The following NLGN1 variants were observed in gnomAD, a reference collection of about 807,000 sequenced individuals.
NLGN1 encodes neuroligin 1, also known as neuroligin-1.
NLGN1 carries 12 observed loss-of-function variants against 65.5 expected under a neutral mutation model. The ratio of observed to expected loss-of-function variants is 0.18; its 90% CI spans 0.12 to 0.30. NLGN1 has a LOEUF of 0.30. Ranked by LOEUF, NLGN1 falls within the 10% of genes least tolerant of loss-of-function variation. The probability of loss-of-function intolerance (pLI) is 1.00; values close to 1 mark genes in which losing one functional copy is unlikely to be tolerated. For synonymous variants in NLGN1, 350 were observed against 359.5 expected (o/e 0.97, Z 0.30); for missense variants, 750 against 1,007.1 (o/e 0.74, Z 3.46).
chr3:174,133,892 A>AC, intron 4 of NLGN1, among the ~76,000 whole-genome samples: 3 of 97,214 alleles, frequency 3.1e-5, no homozygotes, highest in Admixed American at 1.3e-4. Flanking sequence ...ACACCCCACA[A>AC]AACACACACA....
At chr3:173,593,917 A>C (rs1044503594) in intron 2 of NLGN1, among the ~76,000 whole-genome samples, 2 of 152,008 alleles carry the variant, frequency 1.3e-5, no homozygotes, top group Admixed American at 6.5e-5. Flanking sequence ...ATCAGATCTC[A>C]TGAGACTTAT....
At chr3:173,784,465 A>G (rs1010871295) in intron 3 of NLGN1, among the ~76,000 whole-genome samples, 2 of 152,158 alleles carry the variant, frequency 1.3e-5, no homozygotes, top group African/African-American at 4.8e-5. Context: ...GGAAGTGGCC[A>G]CACTGAGATA....
At chr3:174,014,387 CT>C (rs1176337149) in intron 4 of NLGN1, among the ~76,000 whole-genome samples, 1 of 152,136 alleles carries the variant, frequency 6.6e-6, no homozygotes, top group Admixed American at 6.5e-5. Context: ...TTTGCTTAGG[CT>C]TTTGTCACAT....
intron 4 of NLGN1, among the ~76,000 whole-genome samples, chr3:173,813,590 A>G (rs1718424855): frequency 6.6e-6 from 1 of 152,184 alleles, no homozygotes; most frequent in African/African-American, 2.4e-5. Flanking sequence ...ACTAATTTGA[A>G]AAAGTGGAAG....
intron 2 of NLGN1, among the ~76,000 whole-genome samples, chr3:173,440,771 G>C (rs897865891): frequency 2.6e-5 from 4 of 152,100 alleles, no homozygotes; most frequent in African/African-American, 9.7e-5. Flanking sequence ...AGGATCTTAG[G>C]ACTTTCACAA....
chr3:174,258,219 T>C (rs989773945), intron 4 of NLGN1, among the ~76,000 whole-genome samples: 5 of 152,084 alleles, frequency 3.3e-5, no homozygotes, highest in Non-Finnish European at 7.4e-5. Flanking sequence ...ATTAGCCATA[T>C]GTGGGACAAT....
intron 4 of NLGN1, among the ~76,000 whole-genome samples, chr3:174,015,423 G>A (rs1726357913): frequency 6.6e-6 from 1 of 152,080 alleles, no homozygotes; most frequent in Admixed American, 6.6e-5. Flanking sequence ...ATGACAGAGA[G>A]TTAGATAGAG....
rs1762254058 is a variant in NLGN1 at position 173,670,068 on chromosome 3, A to C, written c.493+64977A>C. On this transcript the variant is annotated intron_variant, in intron 3 of 6. Coordinates refer to ENST00000457714, the Ensembl canonical transcript of NLGN1. ...TATTTTTATTTCAAAATTATCTTTA[A>C]GCTGATTTTTTCCTATAAATAGGGA... Among the ~76,000 whole-genome samples, 3 of 152,170 alleles carry C rather than the reference A, an allele frequency of 2.0e-5. No homozygotes were observed. The South Asian group carries it at 6.2e-4, about 32-fold the overall frequency.
intron 2 of NLGN1, among the ~76,000 whole-genome samples, chr3:173,448,141 G>C (rs971283795): frequency 2.6e-5 from 4 of 152,090 alleles, no homozygotes; most frequent in Non-Finnish European, 5.9e-5. Flanking sequence ...TCTTGTGCCA[G>C]TTTTCAAAGG....
intron 3 of NLGN1, among the ~76,000 whole-genome samples, chr3:173,797,868 A>G (rs920242064): frequency 9.9e-5 from 15 of 152,190 alleles, no homozygotes; most frequent in African/African-American, 3.1e-4. Context: ...TTTGACAACA[A>G]TTCTCTTACT....
chr3:174,031,949 CA>C lies in NLGN1; in HGVS notation c.646+224126del, dbSNP rs57187388. ...GCCAGGAAAGAAACAGCTTTAATAACAAAAAAAAATAGTTATTATATATTTT... is the reference window on the plus strand; with the variant it reads ...GCCAGGAAAGAAACAGCTTTAATAACAAAAAAAATAGTTATTATATATTTT... On this transcript the variant is annotated intron_variant, in intron 4 of 6. Coordinates refer to ENST00000457714, the Ensembl canonical transcript of NLGN1. Among the ~76,000 whole-genome samples, 916 of 147,722 alleles carry C rather than the reference CA, an allele frequency of 6.2e-3. 5 individuals carry two copies. The highest frequency in any genetic ancestry group is 0.051 in the Middle Eastern group (14 of 276).
intron 3 of NLGN1, among the ~76,000 whole-genome samples, chr3:173,681,859 T>A (rs1336803933): frequency 6.6e-6 from 1 of 152,176 alleles, no homozygotes; most frequent in Admixed American, 6.5e-5. Context: ...TTCTTCTTAT[T>A]GTACTTCTGT....
At chr3:173,719,325 T>C (rs904799305) in intron 3 of NLGN1, among the ~76,000 whole-genome samples, 5 of 152,182 alleles carry the variant, frequency 3.3e-5, no homozygotes, top group Admixed American at 1.3e-4. Context: ...ATACTTATTT[T>C]CCTTAAACTC....
chr3:174,270,313 A>AT (rs1335488242), intron 4 of NLGN1, among the ~76,000 whole-genome samples: 1 of 150,988 alleles, frequency 6.6e-6, no homozygotes, highest in Non-Finnish European at 1.5e-5. Flanking sequence ...TTTTGAGTTA[A>AT]TTTTTATATG....
At chr3:173,835,486 G>C (rs1218077493) in intron 4 of NLGN1, among the ~76,000 whole-genome samples, 1 of 151,112 alleles carries the variant, frequency 6.6e-6, no homozygotes, top group Non-Finnish European at 1.5e-5. Flanking sequence ...TCTAAGAAAA[G>C]TAATATTTCA....
At chr3:173,680,497 TCA>T (rs1203056776) in intron 3 of NLGN1, among the ~76,000 whole-genome samples, 1 of 152,170 alleles carries the variant, frequency 6.6e-6, no homozygotes, top group Non-Finnish European at 1.5e-5. Context: ...TAGCCAGTCA[TCA>T]GTTTTTAAAA....
intron 4 of NLGN1, among the ~76,000 whole-genome samples, chr3:173,924,451 G>A (rs1300019939): frequency 6.6e-6 from 1 of 151,868 alleles, no homozygotes; most frequent in Non-Finnish European, 1.5e-5. Context: ...TGTAATGTAT[G>A]ATAGTAGGTC....
intron 3 of NLGN1, among the ~76,000 whole-genome samples, chr3:173,629,551 G>T (rs3903298): frequency 0.065 from 9,884 of 152,148 alleles, 468 homozygotes; most frequent in Non-Finnish European, 0.1. Flanking sequence ...ATTAGTAAAA[G>T]AAAAATTATA....
chr3:173,928,672 ATT>A (rs34589178), intron 4 of NLGN1, among the ~76,000 whole-genome samples: 87 of 134,470 alleles, frequency 6.5e-4, no homozygotes, highest in African/African-American at 1.7e-3. Context: ...GACATAGTTA[ATT>A]TTTTTTTTTT....
Sources: allele counts gnomAD v4.1 joint callset (sites outside exome capture counted in the v4.1 genomes callset), GRCh38; gene constraint gnomAD v4.1.1; transcripts MANE v1.5; gene names NCBI Gene and HGNC (gene_info 2026-07-23, HGNC 2026-07-21).